TLCD3A: variants seen among roughly 807,000 people sequenced by gnomAD.
The protein encoded by TLCD3A is TLC domain containing 3A.
Under a neutral mutation model 29.9 loss-of-function variants are expected in TLCD3A, and 17 were observed. That is an observed-to-expected ratio of 0.57 (90% CI 0.39 to 0.85). The LOEUF is 0.85. Among genes scored for constraint, TLCD3A ranks in the 40% least tolerant of loss-of-function variants. TLCD3A has a pLI of 0.00. For missense variants in TLCD3A, 332 were observed against 350.8 expected (o/e 0.95, Z 0.43); for synonymous variants, 143 against 147.7 (o/e 0.97, Z 0.23).
intron 3 of TLCD3A, among the ~76,000 whole-genome samples, chr17:740,094 C>CT (rs2144121434): frequency 6.6e-6 from 1 of 152,280 alleles, no homozygotes; most frequent in East Asian, 1.9e-4. Context: ...GCATTAAATT[C>CT]TTTAAGAAGT....
intron 4 of TLCD3A, 32 bp downstream of exon 4, chr17:740,632 G>A (rs183259624): frequency 1.8e-5 from 29 of 1,588,502 alleles, no homozygotes; most frequent in Non-Finnish European, 2.3e-5. Flanking sequence ...GAGAGTGTGA[G>A]GGTTCTGATT....
intron 3 of TLCD3A, among the ~76,000 whole-genome samples, chr17:739,669 A>T: frequency 6.6e-6 from 1 of 152,212 alleles, no homozygotes; most frequent in East Asian, 1.9e-4. Context: ...ATAGCTTGCT[A>T]AATATTAGAA....
At chr17:733,316 C>T in intron 2 of TLCD3A, 135 bp downstream of exon 2, 8 of 823,532 alleles carry the variant, frequency 9.7e-6, no homozygotes, top group Non-Finnish European at 1.3e-5. Context: ...TTCTTCCTCT[C>T]CGGAGTCTTC....
At position 732,629 on chromosome 17, in the gene TLCD3A, G is replaced by C; in HGVS notation, c.-19G>C. On this transcript the variant is annotated 5_prime_UTR_variant, in exon 1 of 5. Coordinates refer to ENST00000308278, the MANE Select transcript of TLCD3A (RefSeq NM_024792.3). ...CCCAGCCACGCGGCGCCAGCGAGGC[G>C]GCCGGACCCGCAGCCCCGATGCTGC... 8.0e-7 allele frequency: 1 copy of C among 1,243,700 alleles called. No individual in the cohort carries two copies. The highest frequency in any genetic ancestry group is 1.0e-6 in the Non-Finnish European group (1 of 994,532). The allele number at this position is 1,243,700 out of a possible 1,614,324, so 77.0% of individuals were successfully genotyped here. A position where few individuals can be genotyped will look rare whatever the true frequency, so the allele number is the denominator to read the frequency against.
rs918285518 is a variant in TLCD3A, at chr17:742,884, A to G, written c.*1314A>G. ...GGTGCCATTTAAAAAACAAAATGCT[A>G]TTTTTTAATTGTCTTTTTTTTTTAA... On this transcript the variant is annotated 3_prime_UTR_variant, in exon 5 of 5. Transcript: ENST00000308278. 1 of 152,182 alleles carries G rather than the reference A, an allele frequency of 6.6e-6. No homozygotes were observed. The highest frequency in any genetic ancestry group is 1.9e-4 in the East Asian group (1 of 5,184). The allele number at this position is 152,182 out of a possible 1,614,324, so 9.4% of individuals were successfully genotyped here.
intron 2 of TLCD3A, among the ~76,000 whole-genome samples, chr17:736,096 A>T (rs2144112333): frequency 6.6e-6 from 1 of 152,086 alleles, no homozygotes; most frequent in East Asian, 1.9e-4. Flanking sequence ...ACGCCGTGGT[A>T]AGTGTGGAGT....
intron 3 of TLCD3A, among the ~76,000 whole-genome samples, chr17:739,652 A>G (rs1406712760): frequency 1.3e-5 from 2 of 152,234 alleles, no homozygotes; most frequent in Non-Finnish European, 2.9e-5. Flanking sequence ...ATGTGATTTA[A>G]AAGTTCATAG....
intron 2 of TLCD3A, among the ~76,000 whole-genome samples, chr17:736,417 G>A (rs562497221): frequency 1.2e-4 from 19 of 152,316 alleles, no homozygotes; most frequent in African/African-American, 4.6e-4. Flanking sequence ...TTTCTTCACA[G>A]AAAACATCTG....
At chr17:741,189 T>A in intron 4 of TLCD3A, 112 bp from the exon 5 acceptor site, 1 of 1,101,902 alleles carries the variant, frequency 9.1e-7, no homozygotes, top group Non-Finnish European at 1.3e-6. Flanking sequence ...AGCCAAGGTC[T>A]TGATGAGCAC....
intron 2 of TLCD3A, among the ~76,000 whole-genome samples, chr17:735,811 A>G (rs1974145256): frequency 6.9e-6 from 1 of 145,138 alleles, no homozygotes; most frequent in Non-Finnish European, 1.5e-5. Flanking sequence ...ACTTAAAAAG[A>G]AAAAAAAAAA....
chr17:739,420 C>T (rs1056140339), intron 3 of TLCD3A, among the ~76,000 whole-genome samples: 7 of 152,258 alleles, frequency 4.6e-5, no homozygotes, highest in African/African-American at 1.7e-4. Context: ...AACTCCTGAC[C>T]TCAGGTGATC....
Position 733,260 on chromosome 17 carries a change from C to G in TLCD3A, c.206+79C>G, listed in dbSNP as rs992299029. The G allele has an allele frequency of 6.8e-6, 9 of 1,324,292 alleles. No homozygotes were observed. The African/African-American group carries it at 1.2e-4, about 18-fold the overall frequency. 82.0% of individuals were successfully genotyped at this position (1,324,292 alleles called of 1,614,324 possible). A position where few individuals can be genotyped will look rare whatever the true frequency, so the allele number is the denominator to read the frequency against. ...GGCTCTGGCTCTCGCAGCACACGCG[C>G]TCAGAAAGCTGACTAATGGGAAAAG... On this transcript the variant is annotated intron_variant, in intron 2 of 4. Coordinates refer to ENST00000308278, the MANE Select transcript of TLCD3A (RefSeq NM_024792.3).
intron 2 of TLCD3A, among the ~76,000 whole-genome samples, chr17:734,310 C>T (rs1974121679): frequency 6.7e-6 from 1 of 150,306 alleles, no homozygotes. Flanking sequence ...TGAGCCACCA[C>T]ACCCAGCAAA....
chr17:741,492 T>G lies in TLCD3A; in HGVS notation c.696T>G (p.Pro232=), dbSNP rs746807447. 6.2e-7 allele frequency: 1 copy of G among 1,614,200 alleles called. No homozygotes were observed. Among genetic ancestry groups the G allele is most frequent in the Non-Finnish European group, 8.5e-7 (1 of 1,180,014 alleles). The change falls in exon 5 of 5, where the codon CCT becomes CCG. Residue 232 remains proline, a synonymous_variant. Transcript: ENST00000308278. ...TGGCCAATGCCTTCCTCGTAGCTCCTCAGATCTACTGGTTCTGTCTGCTGT... is the reference window on the plus strand; with the variant it reads ...TGGCCAATGCCTTCCTCGTAGCTCCGCAGATCTACTGGTTCTGTCTGCTGT... ...CNVANAFLVA[P]QIYWFCLLCR...
chr17:732,971 G>A (rs930674014), intron 1 of TLCD3A, 127 bp from the exon 2 acceptor site: 2 of 1,390,976 alleles, frequency 1.4e-6, no homozygotes, highest in Non-Finnish European at 1.9e-6. Context: ...AATGGCCGAT[G>A]AGCCTCCGGA....
intron 2 of TLCD3A, among the ~76,000 whole-genome samples, chr17:736,871 G>A (rs951610692): frequency 6.6e-6 from 1 of 151,984 alleles, no homozygotes; most frequent in Non-Finnish European, 1.5e-5. Flanking sequence ...GATAAGGCGA[G>A]TATCGAACTG....
rs1974265627 is a variant in TLCD3A at position 742,043 on chromosome 17, A to G, written c.*473A>G. ...CGTCTTGTGACATTGGCCTGGGACA[A>G]TCATTGTGGGTAGGTAGTTATTGAT... On this transcript the variant is annotated 3_prime_UTR_variant, in exon 5 of 5. Transcript: ENST00000308278. The G allele has an allele frequency of 1.6e-5, 3 of 184,796 alleles. No homozygotes were observed. Among genetic ancestry groups the G allele is most frequent in the East Asian group, 1.6e-4 (1 of 6,374 alleles). The allele number at this position is 184,796 out of a possible 1,614,324, so 11.4% of individuals were successfully genotyped here. A position where few individuals can be genotyped will look rare whatever the true frequency, so the allele number is the denominator to read the frequency against.
intron 2 of TLCD3A, among the ~76,000 whole-genome samples, chr17:736,237 G>C (rs144140224): frequency 2.0e-5 from 3 of 152,268 alleles, no homozygotes; most frequent in African/African-American, 7.2e-5. Flanking sequence ...TTACAATTTA[G>C]AATCTCTGGG....
rs140173564 is a variant in TLCD3A, at chr17:734,328, C to CTT, written c.206+1157_206+1158dup. 3.9e-3 allele frequency among the ~76,000 whole-genome samples: 566 copies of CTT among 146,432 alleles called. 4 individuals carry two copies. Among genetic ancestry groups the CTT allele is most frequent in the Non-Finnish European group, 5.6e-3 (370 of 66,322 alleles). On this transcript the variant is annotated intron_variant, in intron 2 of 4. Transcript: ENST00000308278. ...GCCACCACACCCAGCAAATTTTTTA[C>CTT]TTTTTTTTTTTCCTGTCGAGACCTC...
Sources: allele counts gnomAD v4.1 joint callset (sites outside exome capture counted in the v4.1 genomes callset), GRCh38; gene constraint gnomAD v4.1.1; transcripts MANE v1.5; gene names NCBI Gene and HGNC (gene_info 2026-07-23, HGNC 2026-07-21).